Variants in OMA1 observed in about 807,000 individuals in gnomAD.
The protein encoded by OMA1 is metalloendopeptidase OMA1, mitochondrial.
OMA1 carries 38 observed loss-of-function variants against 30.9 expected under a neutral mutation model. The ratio of observed to expected loss-of-function variants is 1.23; its 90% CI spans 0.95 to 1.61. The LOEUF is 1.61. Ranked by LOEUF, OMA1 falls within the 40% of genes most tolerant of loss-of-function variation. The probability of loss-of-function intolerance (pLI) is 0.00; values close to 1 mark genes in which losing one functional copy is unlikely to be tolerated. For synonymous variants in OMA1, 173 were observed against 121.9 expected (o/e 1.42, Z -2.76); for missense variants, 461 against 349.2 (o/e 1.32, Z -2.55).
At chr1:58,504,588 T>C (rs953264623) in intron 8 of OMA1, among the ~76,000 whole-genome samples, 5 of 152,190 alleles carry the variant, frequency 3.3e-5, no homozygotes, top group Admixed American at 1.3e-4. Flanking sequence ...CTAACTAGAA[T>C]GTTAACTCCA....
intron 7 of OMA1, among the ~76,000 whole-genome samples, chr1:58,514,567 C>T (rs1019518876): frequency 6.6e-6 from 1 of 152,044 alleles, no homozygotes; most frequent in Admixed American, 6.6e-5. Context: ...TTTAGGAAAC[C>T]ATTAACACCC....
chr1:58,488,726 A>C (rs1000997792), intron 8 of OMA1, among the ~76,000 whole-genome samples: 43 of 152,352 alleles, frequency 2.8e-4, no homozygotes, highest in African/African-American at 9.6e-4. Context: ...CTGGGATTAC[A>C]GGCGTGAGCC....
chr1:58,528,076 G>A (rs1646379550), intron 6 of OMA1, among the ~76,000 whole-genome samples: 1 of 152,206 alleles, frequency 6.6e-6, no homozygotes, highest in African/African-American at 2.4e-5. Context: ...GTGATGGCCT[G>A]AAATAATATA....
At chr1:58,519,079 G>A (rs1008590431) in intron 7 of OMA1, among the ~76,000 whole-genome samples, 3 of 152,124 alleles carry the variant, frequency 2.0e-5, no homozygotes, top group Non-Finnish European at 4.4e-5. Context: ...ACCCCACACT[G>A]CAGAGACCCC....
At chr1:58,504,994 G>A (rs574139926) in intron 8 of OMA1, among the ~76,000 whole-genome samples, 2 of 151,604 alleles carry the variant, frequency 1.3e-5, no homozygotes, top group South Asian at 4.2e-4. Flanking sequence ...TCACCCTGTC[G>A]CTGACTAGAG....
rs1319525981 is a variant in OMA1 at position 58,540,796 on chromosome 1, C to A, written c.-16-1486G>T. ...TCATCTAACTGAAGTCCCCAAAAAG[C>A]GGGGAGGAGGTGTAGACAGAAAAAA... is the stretch of plus-strand genomic sequence containing the variant. On this transcript the variant is annotated intron_variant, in intron 1 of 8. Coordinates refer to ENST00000371226, the MANE Select transcript of OMA1 (RefSeq NM_145243.5). 2.0e-5 allele frequency among the ~76,000 whole-genome samples: 3 copies of A among 149,438 alleles called. No individual in the cohort carries two copies. The South Asian group carries it at 6.4e-4, about 32-fold the overall frequency.
chr1:58,536,543 G>T lies in OMA1; in HGVS notation c.699C>A (p.Phe233Leu). Residue 233 changes from phenylalanine to leucine, a missense_variant, in exon 3 of 9, where the codon TTC becomes TTA. Physicochemically the swap from Phe to Leu is conservative, Grantham distance 22 (BLOSUM62 0). Transcript: ENST00000371226. ...SKLLLLGKEQ[F>L]RLLSELEYEA... ...CATATTCCAGTTCCGATAAAAGTCT[G>T]AACTGTTCTTTCCCCAATAATAGTA... 1 of 872,716 alleles carries T rather than the reference G, an allele frequency of 1.1e-6. No individual in the cohort carries two copies. Among genetic ancestry groups the T allele is most frequent in the African/African-American group, 1.6e-5 (1 of 61,412 alleles). The allele number at this position is 872,716 out of a possible 1,614,324, so 54.1% of individuals were successfully genotyped here.
At chr1:58,532,384 T>C (rs1172237632) in intron 5 of OMA1, among the ~76,000 whole-genome samples, 4 of 152,238 alleles carry the variant, frequency 2.6e-5, no homozygotes, top group Non-Finnish European at 5.9e-5. Flanking sequence ...ACAAATGTAC[T>C]GAATAGTAAC....
At chr1:58,516,170 C>T (rs1646154812) in intron 7 of OMA1, among the ~76,000 whole-genome samples, 1 of 152,172 alleles carries the variant, frequency 6.6e-6, no homozygotes, top group South Asian at 2.1e-4. Context: ...CCCCCCACTT[C>T]CCCAATAACT....
chr1:58,522,051 T>C (rs1215615216), intron 7 of OMA1, among the ~76,000 whole-genome samples: 1 of 152,168 alleles, frequency 6.6e-6, no homozygotes, highest in Non-Finnish European at 1.5e-5. Context: ...AAGGGATAAT[T>C]GACAAAATTA....
At chr1:58,492,916 T>C (rs997779943) in intron 8 of OMA1, among the ~76,000 whole-genome samples, 25 of 152,312 alleles carry the variant, frequency 1.6e-4, no homozygotes, top group Admixed American at 1.4e-3. Flanking sequence ...ACTCATTTTA[T>C]GAGGCCAGCA....
Position 58,506,187 on chromosome 1 carries a change from C to T in OMA1, c.1238G>A (p.Ser413Asn), listed in dbSNP as rs1489776663. 2 of 871,838 alleles carry T rather than the reference C, an allele frequency of 2.3e-6. No individual in the cohort carries two copies. Among genetic ancestry groups the T allele is most frequent in the African/African-American group, 1.6e-5 (1 of 61,428 alleles). 54.0% of individuals were successfully genotyped at this position (871,838 alleles called of 1,614,324 possible). Residue 413 changes from serine to asparagine, a missense_variant, in exon 8 of 9, where the codon AGT (serine) becomes AAT (asparagine). Physicochemically the swap from Ser to Asn is conservative, Grantham distance 46. Coordinates refer to ENST00000371226, the MANE Select transcript of OMA1 (RefSeq NM_145243.5). The part of the protein sequence containing the change: ...AAKACADIRA[S>N]SVFWQQMEFV... ...CTCCATTTGCTGCCAAAACACTGAA[C>T]TGGCTCTTATGTCTGCACAAGCCTA...
chr1:58,486,361 C>G (rs1280923692), intron 8 of OMA1, among the ~76,000 whole-genome samples: 41 of 152,162 alleles, frequency 2.7e-4, no homozygotes. Flanking sequence ...CTCCTAAGAC[C>G]ACTGTTATCT....
intron 8 of OMA1, among the ~76,000 whole-genome samples, chr1:58,482,886 A>G (rs1645513998): frequency 6.6e-6 from 1 of 152,120 alleles, no homozygotes; most frequent in South Asian, 2.1e-4. Flanking sequence ...AGGTCATGCT[A>G]AGGATTTTAA....
intron 7 of OMA1, among the ~76,000 whole-genome samples, chr1:58,508,289 T>G (rs1393674736): frequency 6.6e-6 from 1 of 152,178 alleles, no homozygotes; most frequent in African/African-American, 2.4e-5. Flanking sequence ...ATGAGTATTT[T>G]ATTTACATTT....
At chr1:58,540,230 A>G (rs1037462033) in intron 1 of OMA1, among the ~76,000 whole-genome samples, 1 of 152,050 alleles carries the variant, frequency 6.6e-6, no homozygotes, top group African/African-American at 2.4e-5. Flanking sequence ...AACAAATATT[A>G]AAAGCAACCC....
At chr1:58,496,158 A>AT (rs965446981) in intron 8 of OMA1, among the ~76,000 whole-genome samples, 2 of 150,358 alleles carry the variant, frequency 1.3e-5, no homozygotes, top group African/African-American at 2.4e-5. Context: ...ATATTCTTTC[A>AT]TTTTTTTAGA....
At chr1:58,540,557 G>T (rs1646590338) in intron 1 of OMA1, among the ~76,000 whole-genome samples, 1 of 150,242 alleles carries the variant, frequency 6.7e-6, no homozygotes, top group Non-Finnish European at 1.5e-5. Flanking sequence ...TTCTTTAAAA[G>T]ACCTAAACTT....
intron 8 of OMA1, among the ~76,000 whole-genome samples, chr1:58,492,614 A>C (rs1645717714): frequency 6.6e-6 from 1 of 152,204 alleles, no homozygotes; most frequent in African/African-American, 2.4e-5. Context: ...AATACAAACT[A>C]CCATCAGAGA....
Sources: allele counts gnomAD v4.1 joint callset (sites outside exome capture counted in the v4.1 genomes callset), GRCh38; gene constraint gnomAD v4.1.1; transcripts MANE v1.5; gene names NCBI Gene and HGNC (gene_info 2026-07-23, HGNC 2026-07-21).